SBF2: variants seen among roughly 807,000 people sequenced by gnomAD.
SBF2 encodes the protein SET binding factor 2, also known as myotubularin-related protein 13.
Under a neutral mutation model 225.2 loss-of-function variants are expected in SBF2, and 112 were observed. The observed-to-expected ratio is 0.50, with a 90% CI of 0.43 to 0.58. The LOEUF (loss-of-function observed/expected upper bound fraction) is 0.58, where lower values mean the gene tolerates loss of function less well. SBF2 is among the 20% of genes least tolerant of loss of function. The pLI is 0.00. For missense variants in SBF2, 1,996 were observed against 2,206.2 expected, an observed-to-expected ratio of 0.90 and a Z score of 1.91; for synonymous variants, 763 against 773.3, an observed-to-expected ratio of 0.99 and a Z score of 0.22.
chr11:10,195,276 G>A (rs907597495), intron 1 of SBF2, among the ~76,000 whole-genome samples: 4 of 152,152 alleles, frequency 2.6e-5, no homozygotes, highest in Non-Finnish European at 4.4e-5. Context: ...GTTGACAAAC[G>A]TTCCCTGGGT....
chr11:10,034,802 A>G (rs1373446678), intron 3 of SBF2, among the ~76,000 whole-genome samples: 9 of 152,242 alleles, frequency 5.9e-5, no homozygotes, highest in Non-Finnish European at 1.2e-4. Flanking sequence ...AAAATTTTCC[A>G]GAATTGGAAA....
At chr11:9,861,934 C>T (rs1343480169) in intron 17 of SBF2, among the ~76,000 whole-genome samples, 9 of 152,062 alleles carry the variant, frequency 5.9e-5, no homozygotes, top group Non-Finnish European at 1.0e-4. Flanking sequence ...GGAAGAAAAA[C>T]GGTGCAAGAC....
At chr11:9,873,205 CAAAAAAAAA>C (rs56013344) in intron 17 of SBF2, among the ~76,000 whole-genome samples, 2 of 60,648 alleles carry the variant, frequency 3.3e-5, no homozygotes. Context: ...GACTCTGTCT[CAAAAAAAAA>C]AAAAAAAAAA....
intron 16 of SBF2, among the ~76,000 whole-genome samples, chr11:9,900,796 G>T (rs893536412): frequency 6.6e-6 from 1 of 152,116 alleles, no homozygotes; most frequent in African/African-American, 2.4e-5. Flanking sequence ...CTGTGCAGTG[G>T]CACAATCATA....
chr11:9,847,070 T>C lies in SBF2; in HGVS notation c.2820A>G (p.Thr940=). ...AGGCAATGGGAAAGCTCCGCACAACTGTCTGCTCACCCACTGTAAATAGAC... is the reference window on the plus strand; with the variant it reads ...AGGCAATGGGAAAGCTCCGCACAACCGTCTGCTCACCCACTGTAAATAGAC... ...TPHDQLVGEQ[T]VVRSFPIASI... Residue 940 remains threonine, a synonymous_variant, in exon 23 of 40, where the codon ACA becomes ACG. Transcript: ENST00000256190. The C allele has an allele frequency of 6.2e-7, 1 of 1,613,820 alleles. No individual in the cohort carries two copies. The highest frequency in any genetic ancestry group is 8.5e-7 in the Non-Finnish European group (1 of 1,179,732).
chr11:9,829,341 A>G lies in SBF2; in HGVS notation c.3793+15T>C, dbSNP rs777381449. The G allele has an allele frequency of 1.9e-6, 3 of 1,613,636 alleles. No individual in the cohort carries two copies. The highest frequency in any genetic ancestry group is 2.5e-6 in the Non-Finnish European group (3 of 1,179,760). On this transcript the variant is annotated intron_variant, in intron 28 of 39. Coordinates refer to ENST00000256190, the MANE Select transcript of SBF2 (RefSeq NM_030962.4). The stretch of plus-strand genomic sequence containing the variant: ...ATTAGAAGCTGTCAAGAAGAAAAGT[A>G]TTATCAAATCTTACCTGGAGATAGA...
chr11:10,040,281 C>G (rs1949604066), intron 3 of SBF2, among the ~76,000 whole-genome samples: 1 of 151,958 alleles, frequency 6.6e-6, no homozygotes, highest in Non-Finnish European at 1.5e-5. Context: ...GAGGGACAGA[C>G]AGGCATTGTG....
Position 10,127,610 on chromosome 11 carries a change from T to C in SBF2, c.141+66292A>G, listed in dbSNP as rs191514305. 9.0e-4 allele frequency among the ~76,000 whole-genome samples: 137 copies of C among 152,286 alleles called. 2 individuals carry two copies. The East Asian group carries it at 0.022, about 24-fold the overall frequency. The stretch of plus-strand genomic sequence containing the variant: ...TCTATTTTCTATCCAAAAATCCTTT[T>C]GTGTCAAAGTATGTCATTTGACTAC... On this transcript the variant is annotated intron_variant, in intron 2 of 39. Coordinates refer to ENST00000256190, the MANE Select transcript of SBF2 (RefSeq NM_030962.4).
At chr11:9,980,744 AATTTTTTGT>A (rs1946920837) in intron 13 of SBF2, among the ~76,000 whole-genome samples, 1 of 151,800 alleles carries the variant, frequency 6.6e-6, no homozygotes, top group Middle Eastern at 3.4e-3. Flanking sequence ...GCGCCCGGCT[AATTTTTTGT>A]ATTTTTTGTA....
intron 2 of SBF2, among the ~76,000 whole-genome samples, chr11:10,159,991 C>G (rs1195855316): frequency 6.6e-6 from 1 of 152,132 alleles, no homozygotes; most frequent in Non-Finnish European, 1.5e-5. Context: ...ATTGCACTTT[C>G]TCTATTGCAA....
At chr11:9,870,968 G>T in intron 17 of SBF2, among the ~76,000 whole-genome samples, 1 of 122,838 alleles carries the variant, frequency 8.1e-6, no homozygotes, top group South Asian at 2.6e-4. Context: ...GTGAGAATCC[G>T]TCTGAAAAAA....
intron 1 of SBF2, among the ~76,000 whole-genome samples, chr11:10,246,900 C>T (rs924820765): frequency 6.6e-6 from 1 of 152,088 alleles, no homozygotes; most frequent in Admixed American, 6.5e-5. Flanking sequence ...CATAGTGAGA[C>T]CTTGTCTCTA....
chr11:10,209,685 G>A (rs1000646544), intron 1 of SBF2, among the ~76,000 whole-genome samples: 5 of 151,950 alleles, frequency 3.3e-5, no homozygotes, highest in African/African-American at 1.2e-4. Flanking sequence ...TATAAAATCT[G>A]TATCTTCTCT....
At chr11:10,070,533 C>G (rs1212983925) in intron 2 of SBF2, among the ~76,000 whole-genome samples, 1 of 152,132 alleles carries the variant, frequency 6.6e-6, no homozygotes, top group African/African-American at 2.4e-5. Context: ...TGGTTTGGTA[C>G]CAGCACCATG....
chr11:10,104,754 C>T (rs544605944), intron 2 of SBF2, among the ~76,000 whole-genome samples: 1 of 151,294 alleles, frequency 6.6e-6, no homozygotes, highest in South Asian at 2.1e-4. Context: ...AGCCTCTTCC[C>T]ATAATCCTCC....
intron 1 of SBF2, among the ~76,000 whole-genome samples, chr11:10,236,934 C>T (rs1959099036): frequency 6.6e-6 from 1 of 152,068 alleles, no homozygotes; most frequent in Non-Finnish European, 1.5e-5. Flanking sequence ...AAATAAATTA[C>T]AGGACACAGA....
chr11:10,059,163 T>C (rs922370066), intron 2 of SBF2, among the ~76,000 whole-genome samples: 2 of 152,042 alleles, frequency 1.3e-5, no homozygotes, highest in Non-Finnish European at 2.9e-5. Flanking sequence ...ATAACAATAT[T>C]AACCTCAAAT....
intron 6 of SBF2, among the ~76,000 whole-genome samples, chr11:10,026,568 A>T (rs1348757371): frequency 6.6e-6 from 1 of 152,038 alleles, no homozygotes; most frequent in Non-Finnish European, 1.5e-5. Context: ...CTGTCTCTAT[A>T]AAACAAAAAA....
At chr11:10,145,253 A>G (rs1298610382) in intron 2 of SBF2, among the ~76,000 whole-genome samples, 1 of 152,170 alleles carries the variant, frequency 6.6e-6, no homozygotes, top group Non-Finnish European at 1.5e-5. Flanking sequence ...ACAGAGTACC[A>G]ACCCTTGGCC....
Sources: allele counts gnomAD v4.1 joint callset (sites outside exome capture counted in the v4.1 genomes callset), GRCh38; gene constraint gnomAD v4.1.1; transcripts MANE v1.5; gene names NCBI Gene and HGNC (gene_info 2026-07-23, HGNC 2026-07-21).